SELPLG: variants seen among roughly 807,000 people sequenced by gnomAD.
The protein encoded by SELPLG is selectin P ligand.
SELPLG carries 2 observed loss-of-function variants against 1.1 expected under a neutral mutation model. That is an observed-to-expected ratio of 1.82 (90% CI 0.74 to 5.71). The LOEUF (loss-of-function observed/expected upper bound fraction) is 5.71. Ranked by LOEUF, SELPLG falls within the 30% of genes most tolerant of loss-of-function variation. The pLI, the probability that SELPLG is intolerant of heterozygous loss-of-function variation, is 0.05. For missense variants in SELPLG, 478 were observed against 524.7 expected, an observed-to-expected ratio of 0.91 and a Z score of 0.87; for synonymous variants, 230 against 221.2, an observed-to-expected ratio of 1.04 and a Z score of -0.35.
At chr12:108,628,456 A>G (rs2031981692) in intron 1 of SELPLG, among the ~76,000 whole-genome samples, 1 of 152,056 alleles carries the variant, frequency 6.6e-6, no homozygotes. Context: ...CCTTGGCCCC[A>G]CTTTCCTGGA....
At chr12:108,626,179 G>A (rs1399743892) in intron 1 of SELPLG, among the ~76,000 whole-genome samples, 1 of 147,660 alleles carries the variant, frequency 6.8e-6, no homozygotes, top group Non-Finnish European at 1.5e-5. Context: ...CTGTTGCCCA[G>A]GATGGAGTGC....
chr12:108,623,485 C>T lies in SELPLG; in HGVS notation c.823G>A (p.Glu275Lys), dbSNP rs1027486058. ...AACAGACCTCTTTTGGTAGTAGGTT[C>T]CATGGACAGGGCCTCTGTGGCACTG... ...EPSATEALSM[E>K]PTTKRGLFIP... is the part of the protein sequence containing the mutation. The change falls in exon 2 of 2, where the codon GAA becomes AAA. Residue 275 changes from glutamate to lysine, a missense_variant. Coordinates refer to ENST00000550948, the MANE Select transcript of SELPLG (RefSeq NM_003006.4). 2.5e-6 allele frequency: 4 copies of T among 1,614,270 alleles called. No homozygotes were observed. The highest frequency in any genetic ancestry group is 3.3e-5 in the Admixed American group (2 of 60,034).
intron 1 of SELPLG, among the ~76,000 whole-genome samples, chr12:108,629,983 C>T (rs927831773): frequency 6.6e-6 from 1 of 152,226 alleles, no homozygotes; most frequent in Non-Finnish European, 1.5e-5. Flanking sequence ...CTGGCTCTAA[C>T]GGTGCCATCA....
At chr12:108,632,214 G>A (rs758782380) in intron 1 of SELPLG, 24 of 402,038 alleles carry the variant, frequency 6.0e-5, no homozygotes, top group Middle Eastern at 1.3e-3. Context: ...GCACGGCCTC[G>A]GAAGAGACTC....
intron 1 of SELPLG, among the ~76,000 whole-genome samples, chr12:108,625,493 A>G (rs1280939646): frequency 2.0e-5 from 3 of 152,204 alleles, no homozygotes; most frequent in Non-Finnish European, 4.4e-5. Flanking sequence ...TAGTTCTTTC[A>G]GTCAACCTGC....
chr12:108,626,891 T>C (rs1240527295), intron 1 of SELPLG, among the ~76,000 whole-genome samples: 1 of 152,046 alleles, frequency 6.6e-6, no homozygotes, highest in Non-Finnish European at 1.5e-5. Flanking sequence ...GCTTACCTGA[T>C]GTCAGGAGTT....
At chr12:108,632,767 C>T (rs1381753508) in intron 1 of SELPLG, among the ~76,000 whole-genome samples, 2 of 152,120 alleles carry the variant, frequency 1.3e-5, no homozygotes, top group East Asian at 1.9e-4. Context: ...CCACCTGCCT[C>T]GGCCTCCCAA....
At position 108,623,538 on chromosome 12, in the gene SELPLG, G is replaced by A. The variant is rs1565888372; in HGVS notation, c.770C>T (p.Ala257Val). 7 of 1,614,276 alleles carry A rather than the reference G, an allele frequency of 4.3e-6. No individual in the cohort carries two copies. Among genetic ancestry groups the A allele is most frequent in the Non-Finnish European group, 5.9e-6 (7 of 1,180,048 alleles). Residue 257 changes from alanine to valine, a missense_variant, in exon 2 of 2, where the codon GCA becomes GTA. Coordinates refer to ENST00000550948, the MANE Select transcript of SELPLG (RefSeq NM_003006.4). The part of the protein sequence containing the change: ...TATEAQTTPL[A>V]AMEALSTEPS... ...TTCTGTGGACAGGGCCTCCATGGCT[G>A]CCAGTGGAGTGGTCTGTGCCTCCGT...
intron 1 of SELPLG, among the ~76,000 whole-genome samples, chr12:108,625,037 A>G (rs1046575121): frequency 6.6e-6 from 1 of 152,170 alleles, no homozygotes; most frequent in Non-Finnish European, 1.5e-5. Flanking sequence ...ATAATCTATC[A>G]TAAGAGTAAA....
intron 1 of SELPLG, among the ~76,000 whole-genome samples, chr12:108,629,734 A>G (rs950120172): frequency 2.6e-5 from 4 of 152,070 alleles, no homozygotes; most frequent in African/African-American, 9.7e-5. Flanking sequence ...TTTTTAATGA[A>G]AGAAAAGAAA....
In SELPLG at chr12:108,623,164, C is replaced by T. The variant is rs1273913965; in HGVS notation, c.1144G>A (p.Gly382Arg). 8 of 1,612,868 alleles carry T rather than the reference C, an allele frequency of 5.0e-6. No individual in the cohort carries two copies. The highest frequency in any genetic ancestry group is 1.7e-5 in the Admixed American group (1 of 59,852). ...GGGCTCTTGGCCTTGGACAGGCCCCCATTGGCTGTGGCAGAGGGCCCCTCA... is the reference window on the plus strand; with the variant it reads ...GGGCTCTTGGCCTTGGACAGGCCCCTATTGGCTGTGGCAGAGGGCCCCTCA... ...GGEGPSATAN[G>R]GLSKAKSPGL... Residue 382 changes from glycine to arginine, a missense_variant, in exon 2 of 2, where the codon GGG becomes AGG. Gly to Arg is a moderately radical substitution (Grantham distance 125, BLOSUM62 -2). Coordinates refer to ENST00000550948, the MANE Select transcript of SELPLG (RefSeq NM_003006.4).
At chr12:108,628,547 T>C (rs1233718498) in intron 1 of SELPLG, 2 of 152,182 alleles carry the variant, frequency 1.3e-5, no homozygotes, top group African/African-American at 4.8e-5. Context: ...CAACCCCCAC[T>C]TGGGCAGTTC....
Position 108,623,663 on chromosome 12 carries a change from T to C in SELPLG, c.645A>G (p.Pro215=), listed in dbSNP as rs772497928. 5 of 1,533,604 alleles carry C rather than the reference T, an allele frequency of 3.3e-6. No individual in the cohort carries two copies. In the Admixed American group the frequency reaches 8.7e-5, roughly 27 times the overall value. The allele number at this position is 1,533,604 out of a possible 1,614,324, so 95.0% of individuals were successfully genotyped here. ...APAAMEAQTT[P]PAAMEAQTTQ... ...TGGTCTGTGCCTCCATGGCTGCTGG[T>C]GGAGTGGTCTGTGCTTCCATGGCTG... Residue 215 remains proline (P), a synonymous_variant, in exon 2 of 2, where the codon CCA becomes CCG. Coordinates refer to ENST00000550948, the MANE Select transcript of SELPLG (RefSeq NM_003006.4).
chr12:108,628,318 A>AACAC (rs57432345), intron 1 of SELPLG, among the ~76,000 whole-genome samples: 22,690 of 139,962 alleles, frequency 0.16, 1,849 homozygotes, highest in Middle Eastern at 0.22. Context: ...TAATAAATGT[A>AACAC]ACACACACAC....
chr12:108,624,693 C>CTT (rs1162863553), intron 1 of SELPLG, among the ~76,000 whole-genome samples: 50 of 114,804 alleles, frequency 4.4e-4, no homozygotes, highest in African/African-American at 9.6e-4. Context: ...CTCCTTTTTT[C>CTT]TTTTTTTTTT....
chr12:108,624,426 C>G, intron 1 of SELPLG, 114 bp from the exon 2 acceptor site: 1 of 999,466 alleles, frequency 1.0e-6, no homozygotes, highest in South Asian at 1.7e-5. Context: ...TGGTCTGGAG[C>G]AGGGACTGGG....
intron 1 of SELPLG, among the ~76,000 whole-genome samples, chr12:108,630,077 A>T (rs944345034): frequency 1.3e-5 from 2 of 152,060 alleles, no homozygotes; most frequent in African/African-American, 4.8e-5. Flanking sequence ...AAGGCCAAAA[A>T]ACAGTCCCAC....
chr12:108,632,389 G>GGT (rs34863745), intron 1 of SELPLG, among the ~76,000 whole-genome samples: 7,965 of 144,616 alleles, frequency 0.055, 216 homozygotes, highest in African/African-American at 0.068. Context: ...GACAATATGG[G>GGT]GTGTGTGTGT....
rs1202196630 is a variant in SELPLG at position 108,623,297 on chromosome 12, G to A, written c.1011C>T (p.Cys337=). The change falls in exon 2 of 2, where the codon TGC becomes TGT. Residue 337 remains cysteine (C), a synonymous_variant. Transcript: ENST00000550948. The part of the protein sequence containing the change: ...LALVATIFFV[C]TVVLAVRLSR... ...AGAGGCGGACCGCCAGCACCACAGT[G>A]CACACGAAGAAGATAGTGGCCACCA... The A allele has an allele frequency of 1.9e-6, 3 of 1,614,130 alleles. No homozygotes were observed. Among genetic ancestry groups the A allele is most frequent in the Non-Finnish European group, 2.5e-6 (3 of 1,180,052 alleles).
Sources: allele counts gnomAD v4.1 joint callset (sites outside exome capture counted in the v4.1 genomes callset), GRCh38; gene constraint gnomAD v4.1.1; transcripts MANE v1.5; gene names NCBI Gene and HGNC (gene_info 2026-07-23, HGNC 2026-07-21).